The following UBASH3B variants were observed in gnomAD, a reference collection of about 807,000 sequenced individuals.
UBASH3B encodes the protein ubiquitin associated and SH3 domain containing B, also known as ubiquitin-associated and SH3 domain-containing protein B.
In UBASH3B, 37 loss-of-function variants were observed where a neutral mutation model predicts 83.4. The observed-to-expected ratio is 0.44, with a 90% CI of 0.34 to 0.58. The LOEUF (loss-of-function observed/expected upper bound fraction) is 0.58, where lower values mean the gene tolerates loss of function less well. UBASH3B is among the 20% of genes least tolerant of loss of function. The pLI is 0.01. For missense variants in UBASH3B, 657 were observed against 827.2 expected, an observed-to-expected ratio of 0.79 and a Z score of 2.52; for synonymous variants, 304 against 318.3, an observed-to-expected ratio of 0.96 and a Z score of 0.48.
chr11:122,660,047 A>G (rs1863416266), intron 1 of UBASH3B, among the ~76,000 whole-genome samples: 1 of 152,186 alleles, frequency 6.6e-6, no homozygotes, highest in South Asian at 2.1e-4. Context: ...GGGGAACGCA[A>G]TTAATGACTG....
chr11:122,711,888 C>G (rs1457786187), intron 1 of UBASH3B, among the ~76,000 whole-genome samples: 3 of 152,038 alleles, frequency 2.0e-5, no homozygotes, highest in Admixed American at 1.3e-4. Flanking sequence ...TCATTTTTTT[C>G]TATCCCTTTA....
chr11:122,764,235 A>G (rs1409383295), intron 1 of UBASH3B, among the ~76,000 whole-genome samples: 1 of 152,266 alleles, frequency 6.6e-6, no homozygotes, highest in African/African-American at 2.4e-5. Flanking sequence ...TTATCTAGCC[A>G]TAAGGAGAAA....
intron 1 of UBASH3B, among the ~76,000 whole-genome samples, chr11:122,710,731 C>T (rs1038652067): frequency 2.6e-5 from 4 of 151,708 alleles, no homozygotes; most frequent in Non-Finnish European, 4.4e-5. Context: ...GGGAGGGGGA[C>T]GGGGCATGTA....
intron 4 of UBASH3B, among the ~76,000 whole-genome samples, chr11:122,780,710 C>A (rs1860837049): frequency 6.6e-6 from 1 of 152,166 alleles, no homozygotes; most frequent in Non-Finnish European, 1.5e-5. Context: ...GGAGGAAAGG[C>A]CTGCAGGCGG....
At chr11:122,773,885 G>A in intron 1 of UBASH3B, 2 of 761,132 alleles carry the variant, frequency 2.6e-6, no homozygotes, top group Non-Finnish European at 3.2e-6. Context: ...TAGAAAAAAA[G>A]AAATTGAATT....
chr11:122,677,529 C>T (rs947171549), intron 1 of UBASH3B, among the ~76,000 whole-genome samples: 3 of 152,126 alleles, frequency 2.0e-5, no homozygotes, highest in African/African-American at 7.2e-5. Context: ...TCAAAGTCAG[C>T]TTATGTCAGT....
chr11:122,770,596 A>G (rs1417591343), intron 1 of UBASH3B, among the ~76,000 whole-genome samples: 1 of 152,202 alleles, frequency 6.6e-6, no homozygotes, highest in African/African-American at 2.4e-5. Context: ...AGTGCAGTCA[A>G]GCCAACAAAG....
At position 122,717,656 on chromosome 11, in the gene UBASH3B, C is replaced by T. The variant is rs528725029; in HGVS notation, c.162-58563C>T. Among the ~76,000 whole-genome samples the T allele has an allele frequency of 2.8e-4, 42 of 152,256 alleles. 1 individual carries two copies. Among genetic ancestry groups the T allele is most frequent in the Admixed American group, 1.5e-3 (23 of 15,292 alleles). On this transcript the variant is annotated intron_variant, in intron 1 of 13. Coordinates refer to ENST00000284273, the MANE Select transcript of UBASH3B (RefSeq NM_032873.5). ...CCCTTAGAAAGTGTGTATTTTCCAC[C>T]GCTGTACCTCGTGATATCACCACAG...
intron 1 of UBASH3B, among the ~76,000 whole-genome samples, chr11:122,774,771 G>A (rs142617211): frequency 6.6e-6 from 1 of 152,138 alleles, no homozygotes; most frequent in Non-Finnish European, 1.5e-5. Flanking sequence ...CACTGTCCAA[G>A]GCTCCTTCTC....
At chr11:122,693,294 G>A (rs1863920272) in intron 1 of UBASH3B, among the ~76,000 whole-genome samples, 1 of 152,188 alleles carries the variant, frequency 6.6e-6, no homozygotes, top group Non-Finnish European at 1.5e-5. Context: ...AGGCCATCTG[G>A]ATGTATACGT....
chr11:122,692,535 CAG>C (rs762058970), intron 1 of UBASH3B, among the ~76,000 whole-genome samples: 63 of 152,232 alleles, frequency 4.1e-4, no homozygotes, highest in Admixed American at 2.0e-3. Flanking sequence ...ATGGTGGGAA[CAG>C]AGAGGAAGGA....
intron 1 of UBASH3B, among the ~76,000 whole-genome samples, chr11:122,763,596 A>G (rs1393228880): frequency 6.6e-6 from 1 of 151,980 alleles, no homozygotes; most frequent in Admixed American, 6.6e-5. Context: ...TTTTCTCCCC[A>G]TTGGCTGGCC....
intron 1 of UBASH3B, among the ~76,000 whole-genome samples, chr11:122,679,309 C>T (rs573681503): frequency 3.3e-5 from 5 of 152,182 alleles, no homozygotes; most frequent in African/African-American, 4.8e-5. Context: ...GAGAAGCTGG[C>T]GACAATTGCA....
At chr11:122,805,252 G>A (rs998704629) in intron 11 of UBASH3B, among the ~76,000 whole-genome samples, 6 of 152,218 alleles carry the variant, frequency 3.9e-5, no homozygotes, top group Admixed American at 3.3e-4. Flanking sequence ...CAGATTGGCT[G>A]GGTGCAGTGG....
chr11:122,751,426 A>G (rs1861197689), intron 1 of UBASH3B, among the ~76,000 whole-genome samples: 2 of 152,172 alleles, frequency 1.3e-5, no homozygotes, highest in African/African-American at 2.4e-5. Context: ...TTGGAGGCTC[A>G]TTGCAGTCTG....
intron 10 of UBASH3B, 35 bp from the exon 11 acceptor site, chr11:122,801,153 C>T: frequency 6.2e-7 from 1 of 1,606,612 alleles, no homozygotes; most frequent in East Asian, 2.2e-5. Flanking sequence ...AATCCACAGG[C>T]ACTTTCTTCA....
At chr11:122,727,586 C>T (rs917732972) in intron 1 of UBASH3B, 1 of 152,056 alleles carries the variant, frequency 6.6e-6, no homozygotes, top group African/African-American at 2.4e-5. Flanking sequence ...GAGATGGGCA[C>T]CAGGAGACAA....
chr11:122,707,507 C>T lies in UBASH3B; in HGVS notation c.161+51297C>T, dbSNP rs557310397. Among the ~76,000 whole-genome samples, 5 of 152,238 alleles carry T rather than the reference C, an allele frequency of 3.3e-5. No individual in the cohort carries two copies. In the South Asian group the frequency reaches 1.0e-3, roughly 32 times the overall value. On this transcript the variant is annotated intron_variant, in intron 1 of 13. Coordinates refer to ENST00000284273, the MANE Select transcript of UBASH3B (RefSeq NM_032873.5). ...TTATTTGAATGAGCCTTCTTTCTCA[C>T]TAAGTTGTGAGGTTTCTGACAGCTT...
intron 1 of UBASH3B, among the ~76,000 whole-genome samples, chr11:122,719,055 C>A (rs1860578848): frequency 6.6e-6 from 1 of 152,064 alleles, no homozygotes; most frequent in Non-Finnish European, 1.5e-5. Flanking sequence ...ATAAAAAACA[C>A]TTACTGAGTA....
Sources: gnomAD v4.1 joint callset for allele counts (sites outside exome capture counted in the v4.1 genomes callset) on GRCh38, gnomAD v4.1.1 for gene constraint, MANE v1.5 for transcripts, NCBI Gene and HGNC (gene_info 2026-07-23, HGNC 2026-07-21) for gene names.